HERC1: variants seen among roughly 807,000 people sequenced by gnomAD.
The protein encoded by HERC1 is HECT and RLD domain containing E3 ubiquitin protein ligase family member 1.
In HERC1, 160 loss-of-function variants were observed where a neutral mutation model predicts 554.3. That is an observed-to-expected ratio of 0.29 (90% CI 0.25 to 0.33). The LOEUF (loss-of-function observed/expected upper bound fraction) is 0.33. HERC1 is among the 10% of genes least tolerant of loss of function. The pLI is 1.00. For synonymous variants in HERC1, 2,175 were observed against 2,131.7 expected (o/e 1.02, Z -0.56); for missense variants, 4,919 against 5,918.5 (o/e 0.83, Z 5.54).
At chr15:63,661,112 G>T in intron 45 of HERC1, 87 bp from the exon 46 acceptor site, 1 of 944,238 alleles carries the variant, frequency 1.1e-6, no homozygotes, top group Non-Finnish European at 1.7e-6. Flanking sequence ...CATTTTAAGA[G>T]GTCATTAATA....
At chr15:63,766,740 C>T (rs139957266) in intron 2 of HERC1, among the ~76,000 whole-genome samples, 228 of 152,306 alleles carry the variant, frequency 1.5e-3, no homozygotes, top group African/African-American at 4.8e-3. Flanking sequence ...TGCAATGGCA[C>T]GATCTCGGCT....
At chr15:63,634,021 C>G (rs1423102654) in intron 66 of HERC1, 51 bp from the exon 67 acceptor site, 1 of 1,601,694 alleles carries the variant, frequency 6.2e-7, no homozygotes, top group Non-Finnish European at 8.5e-7. Flanking sequence ...CTAAAACACA[C>G]TCCCCCGTTT....
At position 63,637,626 on chromosome 15, in the gene HERC1, A is replaced by G; in HGVS notation, c.12111T>C (p.Asn4037=). ...SQAQQVICGQ[N]CTFVIQANGT... ...CATTGGCCTGGATGACAAAGGTACA[A>G]TTCTGACCACAAATGACCTAGTATA... is the stretch of plus-strand genomic sequence containing the variant. Residue 4037 remains asparagine (N), a synonymous_variant, in exon 64 of 78, where the codon AAT becomes AAC. Transcript: ENST00000443617. The G allele has an allele frequency of 6.4e-7, 1 of 1,551,396 alleles. No individual in the cohort carries two copies.
chr15:63,799,967 A>C (rs970155872), intron 1 of HERC1, among the ~76,000 whole-genome samples: 2 of 152,094 alleles, frequency 1.3e-5, no homozygotes, highest in Non-Finnish European at 1.5e-5. Context: ...CCATCTTTAC[A>C]GAAAAAAATA....
intron 45 of HERC1, among the ~76,000 whole-genome samples, chr15:63,661,528 C>G (rs1478561165): frequency 1.3e-5 from 2 of 152,180 alleles, no homozygotes; most frequent in Non-Finnish European, 2.9e-5. Flanking sequence ...GCCAACAAGT[C>G]AGAGGTTAAC....
chr15:63,752,845 G>T, intron 8 of HERC1, 113 bp downstream of exon 8: 1 of 1,003,700 alleles, frequency 1.0e-6, no homozygotes, highest in Non-Finnish European at 1.4e-6. Context: ...ATTTTAGCAT[G>T]TTGCCTAAAA....
At chr15:63,762,011 G>A (rs2075626975) in intron 3 of HERC1, among the ~76,000 whole-genome samples, 1 of 152,196 alleles carries the variant, frequency 6.6e-6, no homozygotes, top group Non-Finnish European at 1.5e-5. Flanking sequence ...CTCAGTAGCA[G>A]TAAGCATTTC....
At chr15:63,723,119 A>C in intron 19 of HERC1, 63 bp downstream of exon 19, 3 of 1,024,352 alleles carry the variant, frequency 2.9e-6, no homozygotes, top group Non-Finnish European at 3.9e-6. Flanking sequence ...CATATATTGC[A>C]TATATATTTG....
chr15:63,769,849 C>G (rs182039619), intron 2 of HERC1, among the ~76,000 whole-genome samples: 9 of 152,268 alleles, frequency 5.9e-5, no homozygotes, highest in Non-Finnish European at 1.2e-4. Flanking sequence ...GAGCAAGACT[C>G]TCTGTCTTAA....
At chr15:63,823,845 G>A (rs1387832414) in intron 1 of HERC1, among the ~76,000 whole-genome samples, 1 of 151,988 alleles carries the variant, frequency 6.6e-6, no homozygotes, top group African/African-American at 2.4e-5. Context: ...CATAGCAAAA[G>A]AACAATTAAC....
chr15:63,818,051 A>G (rs2077555451), intron 1 of HERC1, among the ~76,000 whole-genome samples: 1 of 152,168 alleles, frequency 6.6e-6, no homozygotes, highest in South Asian at 2.1e-4. Flanking sequence ...CATGAACTTC[A>G]CAAGTAATCA....
intron 50 of HERC1, among the ~76,000 whole-genome samples, chr15:63,655,072 G>A (rs1025262215): frequency 5.3e-5 from 8 of 152,040 alleles, no homozygotes; most frequent in African/African-American, 9.7e-5. Flanking sequence ...AGCCAGTATC[G>A]GCTGGGTGTG....
At chr15:63,652,364 G>C in intron 52 of HERC1, 50 bp downstream of exon 52, 1 of 1,533,876 alleles carries the variant, frequency 6.5e-7, no homozygotes, top group Non-Finnish European at 8.8e-7. Context: ...GATGAGGCAT[G>C]TTTAGGATTC....
At chr15:63,632,436 C>T in intron 68 of HERC1, 1 of 473,820 alleles carries the variant, frequency 2.1e-6, no homozygotes, top group South Asian at 2.1e-5. Context: ...ATGTCAAGGG[C>T]AGTAGAAAAG....
Position 63,643,051 on chromosome 15 carries a change from G to C in HERC1, c.11339C>G (p.Ser3780Cys). 1.2e-6 allele frequency: 2 copies of C among 1,604,136 alleles called. No individual in the cohort carries two copies. ...LMNIWSLRDG[S>C]VLQTVVIGSG... Reference sequence around the variant, plus strand: ...GCCTATCACAACAGTTTGCAAGACAGAGCCATCCTAAAATGAGATATATTT... The same window carrying C: ...GCCTATCACAACAGTTTGCAAGACACAGCCATCCTAAAATGAGATATATTT... The change falls in exon 59 of 78, where the codon TCT becomes TGT. Residue 3780 changes from serine to cysteine, a missense_variant. Physicochemically the swap from Ser to Cys is moderately radical, Grantham distance 112. Coordinates refer to ENST00000443617, the MANE Select transcript of HERC1 (RefSeq NM_003922.4).
intron 1 of HERC1, among the ~76,000 whole-genome samples, chr15:63,821,195 G>C (rs1329341699): frequency 1.3e-5 from 2 of 152,116 alleles, no homozygotes; most frequent in African/African-American, 4.8e-5. Context: ...GCTGGGGTGA[G>C]AGGATCACTT....
intron 39 of HERC1, among the ~76,000 whole-genome samples, chr15:63,670,107 ACTAG>A (rs1458730522): frequency 9.9e-5 from 15 of 152,204 alleles, no homozygotes; most frequent in Non-Finnish European, 1.6e-4. Flanking sequence ...ATATAAACTC[ACTAG>A]CTAGTCATGA....
Position 63,655,774 on chromosome 15 carries a change from G to C in HERC1, c.10052C>G (p.Pro3351Arg), listed in dbSNP as rs938331201. ...TTCAACTTCTGACTTATCATAGTTA[G>C]GTCTTAGTTTGGCCCCTTTGTCTGC... ...LLADKGAKLR[P>R]NYDKSEVEKK... The change falls in exon 50 of 78, where the codon CCT becomes CGT. Residue 3351 changes from proline to arginine, a missense_variant. Physicochemically the swap from Pro to Arg is moderately radical, Grantham distance 103. Coordinates refer to ENST00000443617, the MANE Select transcript of HERC1 (RefSeq NM_003922.4). 6.4e-7 allele frequency: 1 copy of C among 1,566,968 alleles called. No homozygotes were observed. The highest frequency in any genetic ancestry group is 1.4e-5 in the African/African-American group (1 of 73,980).
Position 63,645,602 on chromosome 15 carries a change from C to T in HERC1, c.10959G>A (p.Trp3653Ter). 1 of 1,612,644 alleles carries T rather than the reference C, an allele frequency of 6.2e-7. No homozygotes were observed. Among genetic ancestry groups the T allele is most frequent in the Non-Finnish European group, 8.5e-7 (1 of 1,179,278 alleles). Residue 3653 changes from tryptophan (W) to a stop codon, truncating the protein, a stop_gained, in exon 56 of 78, where the codon TGG becomes TGA. Coordinates refer to ENST00000443617, the MANE Select transcript of HERC1 (RefSeq NM_003922.4). LOFTEE classifies it high-confidence loss of function. The stretch of plus-strand genomic sequence containing the variant: ...AGCACCAGCATCCCGAAATAGAGCC[C>T]CAGAGTTTCACACTGTCTTCTTTGG... ...TCAKEDSVKL[W>*]GSISGCWCCL...
Sources: gnomAD v4.1 joint callset for allele counts (sites outside exome capture counted in the v4.1 genomes callset) on GRCh38, gnomAD v4.1.1 for gene constraint, MANE v1.5 for transcripts, NCBI Gene and HGNC (gene_info 2026-07-23, HGNC 2026-07-21) for gene names.